Variants in NXPE3 observed in about 807,000 individuals in gnomAD.
The protein encoded by NXPE3 is NXPE family member 3.
A neutral mutation model predicts 46.1 loss-of-function variants in NXPE3; 26 were observed. That is an observed-to-expected ratio of 0.56 (90% CI 0.41 to 0.78). The LOEUF is 0.78. NXPE3 is among the 30% of genes least tolerant of loss of function. The probability of loss-of-function intolerance (pLI) is 0.00; values close to 1 mark genes in which losing one functional copy is unlikely to be tolerated. For missense variants in NXPE3, 620 were observed against 686.0 expected (o/e 0.90, Z 1.07); for synonymous variants, 272 against 257.9 (o/e 1.05, Z -0.52).
In NXPE3 at chr3:101,822,184, C is replaced by CACCGAG; in HGVS notation, c.*231_*232insCCGAGA. 2.1e-6 allele frequency: 1 copy of CACCGAG among 465,832 alleles called. No homozygotes were observed. Among genetic ancestry groups the CACCGAG allele is most frequent in the Non-Finnish European group, 3.8e-6 (1 of 260,726 alleles). The allele number at this position is 465,832 out of a possible 1,614,324, so 28.9% of individuals were successfully genotyped here. A position where few individuals can be genotyped will look rare whatever the true frequency, so the allele number is the denominator to read the frequency against. ...TTAGCCATGGTAGAACTCTTAACTG[C>CACCGAG]ATCTACACACTATATTGCTCTTGTA... is the stretch of plus-strand genomic sequence containing the variant. On this transcript the variant is annotated 3_prime_UTR_variant, in exon 8 of 8. Coordinates refer to ENST00000273347, the MANE Select transcript of NXPE3 (RefSeq NM_145037.4).
chr3:101,824,785 G>C lies in NXPE3; in HGVS notation c.*2831G>C, dbSNP rs1942417436. ...TGAAAGAACTTGACATTTCCTCAAG[G>C]ATTTATAAAGGAGGCTGAGGAGTAA... On this transcript the variant is annotated 3_prime_UTR_variant, in exon 8 of 8. Transcript: ENST00000273347. 6.6e-6 allele frequency: 1 copy of C among 152,276 alleles called. No individual in the cohort carries two copies. The highest frequency in any genetic ancestry group is 2.4e-5 in the African/African-American group (1 of 41,540). 9.4% of individuals were successfully genotyped at this position (152,276 alleles called of 1,614,324 possible).
Position 101,824,251 on chromosome 3 carries a change from A to G in NXPE3, c.*2297A>G, listed in dbSNP as rs1576795466. On this transcript the variant is annotated 3_prime_UTR_variant, in exon 8 of 8. Coordinates refer to ENST00000273347, the MANE Select transcript of NXPE3 (RefSeq NM_145037.4). Reference sequence around the variant, plus strand: ...AGAAGAGGTAAGATAGAATGAGGGAATAAACATGGCTTGTTTATTATTTTG... The same window carrying G: ...AGAAGAGGTAAGATAGAATGAGGGAGTAAACATGGCTTGTTTATTATTTTG... 1.3e-5 allele frequency: 2 copies of G among 151,944 alleles called. No individual in the cohort carries two copies. Among genetic ancestry groups the G allele is most frequent in the Admixed American group, 6.6e-5 (1 of 15,258 alleles). The allele number at this position is 151,944 out of a possible 1,614,324, so 9.4% of individuals were successfully genotyped here. A position where few individuals can be genotyped will look rare whatever the true frequency, so the allele number is the denominator to read the frequency against.
intron 6 of NXPE3, among the ~76,000 whole-genome samples, chr3:101,815,678 A>G (rs747441042): frequency 1.3e-5 from 2 of 151,884 alleles, no homozygotes; most frequent in Non-Finnish European, 2.9e-5. Context: ...AGCCTGGCCA[A>G]CATAGTGAAA....
At chr3:101,780,522 G>T (rs1263087898) in intron 1 of NXPE3, among the ~76,000 whole-genome samples, 2 of 152,132 alleles carry the variant, frequency 1.3e-5, no homozygotes, top group African/African-American at 4.8e-5. Context: ...CTCTATACTA[G>T]TGGTTCTCCC....
intron 6 of NXPE3, among the ~76,000 whole-genome samples, chr3:101,809,774 T>A (rs1462164741): frequency 6.6e-6 from 1 of 152,222 alleles, no homozygotes; most frequent in African/African-American, 2.4e-5. Flanking sequence ...TGGGGAACAC[T>A]TTCAGTTTGG....
At position 101,816,877 on chromosome 3, in the gene NXPE3, G is replaced by A; in HGVS notation, c.1005G>A (p.Lys335=). 1.9e-6 allele frequency: 3 copies of A among 1,614,170 alleles called. No homozygotes were observed. The highest frequency in any genetic ancestry group is 2.5e-6 in the Non-Finnish European group (3 of 1,180,004). The part of the protein sequence containing the change: ...YYYKDQWRPR[K]FKMRQFNDPD... ...ATAAAGACCAGTGGAGGCCCAGAAA[G>A]TTTAAGATGCGTCAGTTTAATGACC... is the stretch of plus-strand genomic sequence containing the variant. Residue 335 remains lysine (K), a synonymous_variant, in exon 7 of 8, where the codon AAG becomes AAA. Transcript: ENST00000273347.
intron 7 of NXPE3, among the ~76,000 whole-genome samples, chr3:101,818,042 C>T (rs1942045589): frequency 6.6e-6 from 1 of 152,106 alleles, no homozygotes; most frequent in African/African-American, 2.4e-5. Flanking sequence ...AGGCGTGAGC[C>T]ACTGCACTCA....
Position 101,826,466 on chromosome 3 carries a change from A to G in NXPE3, c.*4512A>G, listed in dbSNP as rs566541755. ...TGTTAAGCATTATTCTACCTGGTTT[A>G]TGTCTACAATGTAGTATTAGTGTAC... On this transcript the variant is annotated 3_prime_UTR_variant, in exon 8 of 8. Coordinates refer to ENST00000273347, the MANE Select transcript of NXPE3 (RefSeq NM_145037.4). The G allele has an allele frequency of 2.0e-5, 3 of 152,318 alleles. No homozygotes were observed. The highest frequency in any genetic ancestry group is 4.4e-5 in the Non-Finnish European group (3 of 68,034). 9.4% of individuals were successfully genotyped at this position (152,318 alleles called of 1,614,324 possible).
intron 4 of NXPE3, among the ~76,000 whole-genome samples, chr3:101,791,387 T>C (rs982787080): frequency 6.6e-6 from 1 of 152,192 alleles, no homozygotes; most frequent in African/African-American, 2.4e-5. Flanking sequence ...CAGTCTGTTA[T>C]TTATTTATTT....
chr3:101,806,470 T>C (rs1216809608), intron 5 of NXPE3, among the ~76,000 whole-genome samples: 1 of 152,192 alleles, frequency 6.6e-6, no homozygotes, highest in East Asian at 1.9e-4. Flanking sequence ...ACCACCCTTA[T>C]CTTCGAGTAG....
intron 4 of NXPE3, among the ~76,000 whole-genome samples, chr3:101,788,881 G>A (rs1314617059): frequency 2.0e-5 from 3 of 152,148 alleles, no homozygotes; most frequent in African/African-American, 7.2e-5. Flanking sequence ...CTCCCAAAGT[G>A]CTGGGATTAC....
At chr3:101,808,090 A>G (rs775501523) in intron 6 of NXPE3, among the ~76,000 whole-genome samples, 1 of 152,222 alleles carries the variant, frequency 6.6e-6, no homozygotes, top group African/African-American at 2.4e-5. Context: ...CTCAGGTCCT[A>G]TCTCAGATGA....
intron 4 of NXPE3, among the ~76,000 whole-genome samples, chr3:101,792,586 T>C (rs1940584113): frequency 6.6e-6 from 1 of 152,198 alleles, no homozygotes; most frequent in South Asian, 2.1e-4. Flanking sequence ...ATGTGTGGCC[T>C]TGTTTCTGGA....
intron 5 of NXPE3, 127 bp from the exon 6 acceptor site, chr3:101,806,926 T>C (rs1053307706): frequency 2.9e-6 from 2 of 698,370 alleles, no homozygotes; most frequent in African/African-American, 3.6e-5. Context: ...TTGGTTAACA[T>C]TCATAAGTAT....
intron 5 of NXPE3, among the ~76,000 whole-genome samples, chr3:101,805,749 A>G (rs150784601): frequency 1.3e-5 from 2 of 151,990 alleles, no homozygotes; most frequent in East Asian, 3.9e-4. Context: ...TCTGCTTTGG[A>G]TTTGCTTTAT....
intron 4 of NXPE3, 36 bp from the exon 5 acceptor site, chr3:101,801,199 A>G (rs1941120597): frequency 2.6e-6 from 4 of 1,563,636 alleles, no homozygotes; most frequent in African/African-American, 1.4e-5. Context: ...GACCTATTAT[A>G]GTGGTAATTT....
chr3:101,783,272 A>G (rs966374868), intron 3 of NXPE3, among the ~76,000 whole-genome samples: 2 of 151,894 alleles, frequency 1.3e-5, no homozygotes, highest in African/African-American at 4.8e-5. Context: ...CATGTTAGCC[A>G]GGATGGTCCC....
At chr3:101,809,476 C>A (rs1258036765) in intron 6 of NXPE3, among the ~76,000 whole-genome samples, 1 of 152,208 alleles carries the variant, frequency 6.6e-6, no homozygotes, top group African/African-American at 2.4e-5. Context: ...CTTAAACTTT[C>A]ACCAACTAAT....
intron 4 of NXPE3, among the ~76,000 whole-genome samples, chr3:101,789,548 AAAAAAT>A (rs779943721): frequency 2.8e-4 from 43 of 152,276 alleles, no homozygotes; most frequent in African/African-American, 9.1e-4. Context: ...CCTGTCTCTA[AAAAAAT>A]AAAAATAAAA....
Sources: allele counts gnomAD v4.1 joint callset (sites outside exome capture counted in the v4.1 genomes callset), GRCh38; gene constraint gnomAD v4.1.1; transcripts MANE v1.5; gene names NCBI Gene and HGNC (gene_info 2026-07-23, HGNC 2026-07-21).